Variants in PCDHGA5 observed in about 807,000 individuals in gnomAD.
PCDHGA5 encodes the protein protocadherin gamma subfamily A, 5.
PCDHGA5 carries 36 observed loss-of-function variants against 56.7 expected under a neutral mutation model. The observed-to-expected ratio is 0.64, with a 90% confidence interval of 0.49 to 0.84. PCDHGA5 has a LOEUF of 0.84. PCDHGA5 is among the 40% of genes least tolerant of loss of function. The pLI is 0.00. For missense variants in PCDHGA5, 1,305 were observed against 1,201.5 expected, an observed-to-expected ratio of 1.09 and a Z score of -1.27; for synonymous variants, 563 against 520.2, an observed-to-expected ratio of 1.08 and a Z score of -1.12.
At chr5:141,393,769 T>C in intron 1 of PCDHGA5, 2 of 1,613,912 alleles carry the variant, frequency 1.2e-6, no homozygotes, top group Non-Finnish European at 1.7e-6. Flanking sequence ...GAAATGGAAA[T>C]ACAAGCCGAA....
intron 2 of PCDHGA5, 62 bp downstream of exon 2, chr5:141,494,927 G>C: frequency 6.2e-7 from 1 of 1,613,516 alleles, no homozygotes; most frequent in Non-Finnish European, 8.5e-7. Context: ...GATGACGTGG[G>C]AGGAGATGGG....
chr5:141,442,700 T>TC (rs1388243183), intron 1 of PCDHGA5, among the ~76,000 whole-genome samples: 5 of 152,198 alleles, frequency 3.3e-5, no homozygotes, highest in Non-Finnish European at 7.3e-5. Flanking sequence ...CAGACAAGAG[T>TC]ATCAGACATG....
At position 141,489,244 on chromosome 5, in the gene PCDHGA5, G is replaced by C. The variant is rs145484133; in HGVS notation, c.2422-5563G>C. The C allele has an allele frequency of 3.3e-6, 5 of 1,534,936 alleles. No homozygotes were observed. Among genetic ancestry groups the C allele is most frequent in the African/African-American group, 1.4e-5 (1 of 72,374 alleles). On this transcript the variant is annotated intron_variant, in intron 1 of 3. Transcript: ENST00000518069. This position sits in a 1 kb window ranked among gnomAD's most constrained non-coding sequence, Gnocchi z 4.5. ...TCCACAAAGGGACTTCTGGGTCATGGGGCCCAAGACACTCCCACAGCTCGC... is the reference window on the plus strand; with the variant it reads ...TCCACAAAGGGACTTCTGGGTCATGCGGCCCAAGACACTCCCACAGCTCGC...
intron 1 of PCDHGA5, chr5:141,385,127 T>C: frequency 6.2e-7 from 1 of 1,614,222 alleles, no homozygotes. Context: ...TTTGTGGGCA[T>C]GGACGGGGTG....
chr5:141,423,121 G>T lies in PCDHGA5; in HGVS notation c.2421+56370G>T, dbSNP rs368205535. The T allele has an allele frequency of 5.6e-6, 9 of 1,613,680 alleles. No homozygotes were observed. The African/African-American group carries it at 1.1e-4, about 19-fold the overall frequency. ...CACGGGCGAGGTGCGTACAGCGCGG[G>T]CACTGCTGGACAGAGACGCGCTCAA... On this transcript the variant is annotated intron_variant, in intron 1 of 3. Coordinates refer to ENST00000518069, the MANE Select transcript of PCDHGA5 (RefSeq NM_018918.3).
chr5:141,454,385 T>C (rs1168439343), intron 1 of PCDHGA5, among the ~76,000 whole-genome samples: 5 of 152,194 alleles, frequency 3.3e-5, no homozygotes, highest in Non-Finnish European at 7.4e-5. Flanking sequence ...CTTGTCAAGA[T>C]GAAGAAAAGG....
chr5:141,396,804 G>A lies in PCDHGA5; in HGVS notation c.2421+30053G>A, dbSNP rs189942396. On this transcript the variant is annotated intron_variant, in intron 1 of 3. Coordinates refer to ENST00000518069, the MANE Select transcript of PCDHGA5 (RefSeq NM_018918.3). ...AAGGACATTTCCTAAGGATTGTGTA[G>A]TGTTCTACTGTATGGTGCATATTCA... Among the ~76,000 whole-genome samples the A allele has an allele frequency of 2.8e-4, 42 of 152,300 alleles. 1 individual carries two copies. The highest frequency in any genetic ancestry group is 9.6e-4 in the African/African-American group (40 of 41,552).
At chr5:141,403,001 T>C (rs1189114508) in intron 1 of PCDHGA5, 11 of 1,613,878 alleles carry the variant, frequency 6.8e-6, no homozygotes, top group African/African-American at 1.3e-5. Flanking sequence ...AGTCCTGCTA[T>C]GCTCGCTCCT....
chr5:141,403,796 T>C (rs1028690414), intron 1 of PCDHGA5: 3 of 1,613,866 alleles, frequency 1.9e-6, no homozygotes, highest in Non-Finnish European at 1.7e-6. Flanking sequence ...ATACAAATTC[T>C]GGAAAATTAA....
chr5:141,491,483 A>ACCTGCAGGTGAGCTCGG lies in PCDHGA5; in HGVS notation c.2422-3323_2422-3307dup. The ACCTGCAGGTGAGCTCGG allele has an allele frequency of 3.1e-6, 5 of 1,614,018 alleles. No individual in the cohort carries two copies. The highest frequency in any genetic ancestry group is 4.2e-6 in the Non-Finnish European group (5 of 1,180,012). ...GACTTCTATAAGCAGTCCAGCCCCAACCTGCAGGTGAGCTCGGACGGCACG... is the reference window on the plus strand; with the variant it reads ...GACTTCTATAAGCAGTCCAGCCCCAACCTGCAGGTGAGCTCGGCCTGCAGGTGAGCTCGGACGGCACG... On this transcript the variant is annotated intron_variant, in intron 1 of 3. Coordinates refer to ENST00000518069, the MANE Select transcript of PCDHGA5 (RefSeq NM_018918.3). The surrounding 1 kb of genome is among the most constrained non-coding windows in gnomAD (Gnocchi z 6.9).
At chr5:141,434,784 A>T (rs967716221) in intron 1 of PCDHGA5, among the ~76,000 whole-genome samples, 11 of 150,278 alleles carry the variant, frequency 7.3e-5, no homozygotes, top group East Asian at 5.8e-4. Flanking sequence ...AAAAAAAAAA[A>T]TTTTTTTTTC....
In PCDHGA5 at chr5:141,408,035, C is replaced by T. The variant is rs886766467; in HGVS notation, c.2421+41284C>T. On this transcript the variant is annotated intron_variant, in intron 1 of 3. Transcript: ENST00000518069. ...CAGCCAACAACAGAAAGAAGAAAAC[C>T]AGCTCCCACACAGAGCCTCCCGGCT... 7.1e-6 allele frequency: 8 copies of T among 1,130,910 alleles called. No homozygotes were observed. The African/African-American group carries it at 7.8e-5, about 11-fold the overall frequency. 70.1% of individuals were successfully genotyped at this position (1,130,910 alleles called of 1,614,324 possible).
chr5:141,503,075 G>A (rs1373753092), intron 2 of PCDHGA5, among the ~76,000 whole-genome samples: 1 of 151,438 alleles, frequency 6.6e-6, no homozygotes, highest in African/African-American at 2.4e-5. Context: ...GAATGGTCTC[G>A]ATCTCCTGAC....
At chr5:141,394,299 C>T (rs1420097652) in intron 1 of PCDHGA5, 1 of 1,613,884 alleles carries the variant, frequency 6.2e-7, no homozygotes, top group Non-Finnish European at 8.5e-7. Flanking sequence ...CGAGGACACG[C>T]TGCAGGGGGC....
chr5:141,406,481 T>C (rs2094814987), intron 1 of PCDHGA5, among the ~76,000 whole-genome samples: 2 of 152,242 alleles, frequency 1.3e-5, no homozygotes, highest in Admixed American at 6.5e-5. Flanking sequence ...GGTTATATTT[T>C]TCAGATCACA....
intron 1 of PCDHGA5, chr5:141,374,616 T>G: frequency 6.2e-7 from 1 of 1,613,518 alleles, no homozygotes; most frequent in South Asian, 1.1e-5. Flanking sequence ...AATAGTCACT[T>G]CTCAGTGGAC....
intron 1 of PCDHGA5, among the ~76,000 whole-genome samples, chr5:141,482,072 C>G (rs1010432509): frequency 1.5e-5 from 2 of 133,436 alleles, no homozygotes; most frequent in African/African-American, 5.9e-5. Flanking sequence ...GCAACAAGAA[C>G]AAAACTCACT....
intron 1 of PCDHGA5, chr5:141,427,677 C>T: frequency 1.2e-6 from 1 of 816,672 alleles, no homozygotes; most frequent in Non-Finnish European, 2.1e-6. Flanking sequence ...AAACAACCTT[C>T]CCGGAGCCTC....
chr5:141,441,819 G>A (rs1040935030), intron 1 of PCDHGA5: 6 of 359,092 alleles, frequency 1.7e-5, no homozygotes, highest in Non-Finnish European at 3.3e-5. Context: ...CCCCAGCTCT[G>A]GAGCGCAATG....
Sources: gnomAD v4.1 joint callset for allele counts (sites outside exome capture counted in the v4.1 genomes callset) on GRCh38, gnomAD v4.1.1 for gene constraint, Gnocchi (gnomAD v3.1) non-coding constraint, MANE v1.5 for transcripts, NCBI Gene and HGNC (gene_info 2026-07-23, HGNC 2026-07-21) for gene names.